TRIM55: variants seen among roughly 807,000 people sequenced by gnomAD.
TRIM55 encodes tripartite motif containing 55.
In TRIM55, 50 loss-of-function variants were observed where a neutral mutation model predicts 60.9. The observed-to-expected ratio is 0.82, with a 90% CI of 0.65 to 1.04. The LOEUF (loss-of-function observed/expected upper bound fraction) is 1.04, where lower values mean the gene tolerates loss of function less well. Among genes scored for constraint, TRIM55 ranks in the 50% least tolerant of loss-of-function variants. The pLI is 0.00. For missense variants in TRIM55, 681 were observed against 666.9 expected, an observed-to-expected ratio of 1.02 and a Z score of -0.23; for synonymous variants, 237 against 238.1, an observed-to-expected ratio of 1.00 and a Z score of 0.04.
At position 66,175,392 on chromosome 8, in the gene TRIM55, A is replaced by C. The variant is rs1390500650; in HGVS notation, c.*799A>C. 6.6e-6 allele frequency: 1 copy of C among 152,192 alleles called. No individual in the cohort carries two copies. Among genetic ancestry groups the C allele is most frequent in the African/African-American group, 2.4e-5 (1 of 41,444 alleles). 9.4% of individuals were successfully genotyped at this position (152,192 alleles called of 1,614,324 possible). A position where few individuals can be genotyped will look rare whatever the true frequency, so the allele number is the denominator to read the frequency against. The stretch of plus-strand genomic sequence containing the variant: ...ACACATTAAATATATATATATTTAA[A>C]TCATGCTTTGTTAATATTTGTCCCA... On this transcript the variant is annotated 3_prime_UTR_variant, in exon 10 of 10. Coordinates refer to ENST00000315962, the MANE Select transcript of TRIM55 (RefSeq NM_184085.2).
intron 4 of TRIM55, among the ~76,000 whole-genome samples, chr8:66,142,356 C>G (rs1586196731): frequency 6.6e-6 from 1 of 152,186 alleles, no homozygotes; most frequent in Non-Finnish European, 1.5e-5. Context: ...CAAATGACTT[C>G]CGTTATTTAT....
At chr8:66,142,266 G>A (rs1259217737) in intron 4 of TRIM55, among the ~76,000 whole-genome samples, 2 of 152,180 alleles carry the variant, frequency 1.3e-5, no homozygotes, top group Non-Finnish European at 2.9e-5. Context: ...GATGTCAGAA[G>A]ACTATCAGGT....
intron 9 of TRIM55, among the ~76,000 whole-genome samples, chr8:66,165,040 G>A (rs929946531): frequency 6.6e-6 from 1 of 152,082 alleles, no homozygotes; most frequent in Non-Finnish European, 1.5e-5. Flanking sequence ...GGCTAGCAAA[G>A]CCTCTTTTCC....
chr8:66,116,817 A>C, the TRIM55 span, among the ~76,000 whole-genome samples: 1 of 152,234 alleles, frequency 6.6e-6, no homozygotes, highest in Non-Finnish European at 1.5e-5. Flanking sequence ...CATTCTATGA[A>C]GTCTCTGATA....
intron 4 of TRIM55, among the ~76,000 whole-genome samples, chr8:66,142,103 C>T (rs1418644272): frequency 6.6e-6 from 1 of 152,236 alleles, no homozygotes; most frequent in Admixed American, 6.5e-5. Flanking sequence ...TTCTTCACAG[C>T]ATTGTCATGA....
chr8:66,128,561 G>A, intron 2 of TRIM55, 85 bp downstream of exon 2: 1 of 1,410,836 alleles, frequency 7.1e-7, no homozygotes, highest in South Asian at 1.3e-5. Flanking sequence ...TACGCTGAAT[G>A]CTTGTTTATC....
the TRIM55 span, chr8:66,114,640 A>G: frequency 7.3e-4 from 334 of 456,364 alleles, 3 homozygotes; most frequent in East Asian, 0.02. Flanking sequence ...GAACTTGGAA[A>G]CGGACGCTGA....
intron 4 of TRIM55, among the ~76,000 whole-genome samples, chr8:66,142,674 G>A (rs899683384): frequency 2.0e-5 from 3 of 152,204 alleles, no homozygotes; most frequent in Admixed American, 2.0e-4. Context: ...AACATGGAGC[G>A]GCAACATGAA....
chr8:66,118,170 A>G, the TRIM55 span, among the ~76,000 whole-genome samples: 2 of 98,478 alleles, frequency 2.0e-5, no homozygotes, highest in East Asian at 4.1e-4. Flanking sequence ...CTCCGTCTCA[A>G]AAAAAAAAAA....
chr8:66,174,545 A>C lies in TRIM55; in HGVS notation c.1599A>C (p.Pro533=). ...GTGGCAGTGGAGCTGATTCTGAGCC[A>C]GCTCGCCATATCTTCTCCTTTTCCT... ...PASGSGADSE[P]ARHIFSFSWL... Residue 533 remains proline, a synonymous_variant, in exon 10 of 10, where the codon CCA becomes CCC. Coordinates refer to ENST00000315962, the MANE Select transcript of TRIM55 (RefSeq NM_184085.2). 6.2e-7 allele frequency: 1 copy of C among 1,610,170 alleles called. No individual in the cohort carries two copies. Among genetic ancestry groups the C allele is most frequent in the African/African-American group, 1.3e-5 (1 of 74,816 alleles).
At chr8:66,132,842 G>GA (rs1809244589) in intron 2 of TRIM55, among the ~76,000 whole-genome samples, 1 of 152,132 alleles carries the variant, frequency 6.6e-6, no homozygotes. Context: ...ATGGGAAATT[G>GA]TTCTCAGTGT....
chr8:66,143,240 G>C (rs1215205432), intron 4 of TRIM55, among the ~76,000 whole-genome samples: 1 of 152,206 alleles, frequency 6.6e-6, no homozygotes, highest in Non-Finnish European at 1.5e-5. Context: ...AAGAGCAGTG[G>C]TCATTGTTGC....
intron 4 of TRIM55, among the ~76,000 whole-genome samples, chr8:66,144,191 A>T (rs1483810927): frequency 2.6e-5 from 4 of 152,234 alleles, no homozygotes; most frequent in Non-Finnish European, 5.9e-5. Flanking sequence ...CTAAGGAAAC[A>T]ACCAAATGAC....
chr8:66,121,874 C>A, the TRIM55 span, among the ~76,000 whole-genome samples: 1 of 152,094 alleles, frequency 6.6e-6, no homozygotes, highest in Non-Finnish European at 1.5e-5. Context: ...GTTTTCATGT[C>A]CCTGCGCAGG....
intron 8 of TRIM55, 77 bp downstream of exon 8, chr8:66,152,704 T>G (rs1239452963): frequency 6.6e-7 from 1 of 1,521,986 alleles, no homozygotes; most frequent in African/African-American, 1.4e-5. Context: ...ATTTACCCTA[T>G]TCTGCCTTAA....
chr8:66,125,845 C>T (rs1808799575), upstream of TRIM55, among the ~76,000 whole-genome samples: 1 of 152,154 alleles, frequency 6.6e-6, no homozygotes, highest in African/African-American at 2.4e-5. Context: ...TAATTTAATT[C>T]ACACCAGGGA....
chr8:66,116,875 A>G, the TRIM55 span, among the ~76,000 whole-genome samples: 2 of 152,270 alleles, frequency 1.3e-5, no homozygotes, highest in South Asian at 2.1e-4. Flanking sequence ...ACAGACCAAT[A>G]TAGCTTATGA....
At chr8:66,158,914 C>T (rs1317214363) in intron 9 of TRIM55, among the ~76,000 whole-genome samples, 1 of 152,180 alleles carries the variant, frequency 6.6e-6, no homozygotes, top group East Asian at 1.9e-4. Context: ...ACTCTGAAGT[C>T]GCCTAAAGTT....
upstream of TRIM55, among the ~76,000 whole-genome samples, chr8:66,125,499 A>G: frequency 6.6e-6 from 1 of 152,258 alleles, no homozygotes; most frequent in East Asian, 1.9e-4. Context: ...TTTTACTTAG[A>G]TAGCAAGGTC....
Sources: gnomAD v4.1 joint callset for allele counts (sites outside exome capture counted in the v4.1 genomes callset) on GRCh38, gnomAD v4.1.1 for gene constraint, MANE v1.5 for transcripts, NCBI Gene and HGNC (gene_info 2026-07-23, HGNC 2026-07-21) for gene names.